CHD9: variants seen among roughly 807,000 people sequenced by gnomAD.
CHD9 encodes chromodomain helicase DNA binding protein 9.
A neutral mutation model predicts 316.1 loss-of-function variants in CHD9; 77 were observed. The ratio of observed to expected loss-of-function variants is 0.24; its 90% CI spans 0.20 to 0.29. The LOEUF (loss-of-function observed/expected upper bound fraction) is 0.29, where lower values mean the gene tolerates loss of function less well. CHD9 is among the 10% of genes least tolerant of loss of function. The probability of loss-of-function intolerance (pLI) is 1.00; values close to 1 mark genes in which losing one functional copy is unlikely to be tolerated. For missense variants in CHD9, 2,763 were observed against 3,438.1 expected, an observed-to-expected ratio of 0.80 and a Z score of 4.91; for synonymous variants, 1,129 against 1,158.3, an observed-to-expected ratio of 0.97 and a Z score of 0.51.
At position 53,254,552 on chromosome 16, in the gene CHD9, C is replaced by T. The variant is rs2050412458; in HGVS notation, c.3976C>T (p.Leu1326=). 6.2e-7 allele frequency: 1 copy of T among 1,612,730 alleles called. No individual in the cohort carries two copies. The highest frequency in any genetic ancestry group is 1.3e-5 in the African/African-American group (1 of 74,882). Residue 1326 remains leucine (L), a synonymous_variant, in exon 18 of 39, where the codon CTA becomes TTA. Transcript: ENST00000447540. ...MFDRASLKLG[L]DKAVLQSMSG... ...TGACCGAGCCAGTTTGAAACTGGGC[C>T]TAGATAAAGCTGTGTTACAGAGCAT...
chr16:53,264,046 A>G (rs76263275), intron 20 of CHD9, among the ~76,000 whole-genome samples: 2 of 152,020 alleles, frequency 1.3e-5, no homozygotes, highest in Non-Finnish European at 2.9e-5. Flanking sequence ...GAAAAAAAAA[A>G]GATATAGAAC....
chr16:53,158,462 G>T (rs1408836747), intron 2 of CHD9, among the ~76,000 whole-genome samples: 3 of 152,134 alleles, frequency 2.0e-5, no homozygotes, highest in African/African-American at 7.2e-5. Context: ...ACCTGGTTTA[G>T]AATTGTGGGT....
intron 3 of CHD9, among the ~76,000 whole-genome samples, chr16:53,218,065 T>C (rs928289991): frequency 6.6e-6 from 1 of 152,040 alleles, no homozygotes; most frequent in African/African-American, 2.4e-5. Flanking sequence ...GAATTGACTT[T>C]TTTCCTATCA....
At chr16:53,233,553 A>T (rs2048360289) in intron 10 of CHD9, among the ~76,000 whole-genome samples, 2 of 152,016 alleles carry the variant, frequency 1.3e-5, no homozygotes, top group South Asian at 4.2e-4. Context: ...GGCATGATTG[A>T]TTCAATCATC....
chr16:53,274,381 C>A lies in CHD9; in HGVS notation c.4967+79C>A, dbSNP rs1050865592. 8 of 743,378 alleles carry A rather than the reference C, an allele frequency of 1.1e-5. No individual in the cohort carries two copies. In the African/African-American group the frequency reaches 1.3e-4, roughly 12 times the overall value. 46.0% of individuals were successfully genotyped at this position (743,378 alleles called of 1,614,324 possible). A position where few individuals can be genotyped will look rare whatever the true frequency, so the allele number is the denominator to read the frequency against. On this transcript the variant is annotated intron_variant, in intron 24 of 38. Coordinates refer to ENST00000447540, the MANE Select transcript of CHD9 (RefSeq NM_001308319.2). ...CTTCAAGCTCCTGGGTTCAAGCGAT[C>A]CTCCCACCTCTGCCTCCTGAGAGGC... is the stretch of plus-strand genomic sequence containing the variant.
chr16:53,292,835 G>A lies in CHD9; in HGVS notation c.5293G>A (p.Gly1765Ser), dbSNP rs1226779372. 6.2e-7 allele frequency: 1 copy of A among 1,611,234 alleles called. No individual in the cohort carries two copies. Residue 1765 changes from glycine to serine, a missense_variant and splice_region_variant, in exon 29 of 39, where the codon GGT becomes AGT. Around this residue, in one of 15 missense-constraint regions of CHD9, gnomAD observed 183 missense variants for 258.5 expected, o/e 0.71. Coordinates refer to ENST00000447540, the MANE Select transcript of CHD9 (RefSeq NM_001308319.2). ...TACTATTACTTATTTAACTATAGAT[G>A]GTCAACTGATGGAGGGTGATAAAGT... ...PGDLVIADGD[G>S]QLMEGDKVYW...
chr16:53,077,082 G>T (rs1216909329), intron 1 of CHD9, among the ~76,000 whole-genome samples: 1 of 151,476 alleles, frequency 6.6e-6, no homozygotes, highest in Non-Finnish European at 1.5e-5. Context: ...CCGCCTCCTG[G>T]GTTCAAGCAA....
At chr16:53,177,884 T>C (rs2043193209) in intron 2 of CHD9, among the ~76,000 whole-genome samples, 1 of 152,214 alleles carries the variant, frequency 6.6e-6, no homozygotes, top group Non-Finnish European at 1.5e-5. Context: ...ATTCTACTTG[T>C]CTTTCCAATC....
At chr16:53,183,021 G>A (rs904806973) in intron 2 of CHD9, among the ~76,000 whole-genome samples, 21 of 152,084 alleles carry the variant, frequency 1.4e-4, no homozygotes, top group African/African-American at 3.9e-4. Context: ...AATCAACAAC[G>A]ATTCACCTTC....
intron 27 of CHD9, among the ~76,000 whole-genome samples, chr16:53,291,096 C>A (rs2054295346): frequency 6.6e-6 from 1 of 151,920 alleles, no homozygotes; most frequent in Non-Finnish European, 1.5e-5. Flanking sequence ...TGAAGATACA[C>A]CAAACAAAGA....
chr16:53,245,907 A>C lies in CHD9; in HGVS notation c.3454+57A>C. On this transcript the variant is annotated intron_variant, in intron 15 of 38. Transcript: ENST00000447540. This position sits in a 1 kb window ranked among gnomAD's most constrained non-coding sequence, Gnocchi z 4.1. ...TTTCTTGCAACAAATACTAATGAAT[A>C]AATAAACAGAACACACTACAGCTGT... 1 of 1,236,114 alleles carries C rather than the reference A, an allele frequency of 8.1e-7. No individual in the cohort carries two copies. 76.6% of individuals were successfully genotyped at this position (1,236,114 alleles called of 1,614,324 possible). A position where few individuals can be genotyped will look rare whatever the true frequency, so the allele number is the denominator to read the frequency against.
intron 3 of CHD9, among the ~76,000 whole-genome samples, chr16:53,215,577 G>A (rs2046688598): frequency 6.6e-6 from 1 of 152,160 alleles, no homozygotes; most frequent in South Asian, 2.1e-4. Context: ...CTTAAAAATA[G>A]GCTCAGTACC....
chr16:53,283,143 T>C (rs2053566891), intron 24 of CHD9, among the ~76,000 whole-genome samples: 1 of 152,176 alleles, frequency 6.6e-6, no homozygotes, highest in South Asian at 2.1e-4. Flanking sequence ...CAGCCAACAT[T>C]GACTCAGCCT....
chr16:53,246,135 G>C (rs1362874990), intron 15 of CHD9, among the ~76,000 whole-genome samples: 1 of 152,170 alleles, frequency 6.6e-6, no homozygotes, highest in Admixed American at 6.5e-5. Flanking sequence ...GCCCATTTTT[G>C]GGGCTTCTGC....
At position 53,231,105 on chromosome 16, in the gene CHD9, T is replaced by A. The variant is rs549236212; in HGVS notation, c.2287-314T>A. Among the ~76,000 whole-genome samples the A allele has an allele frequency of 3.9e-5, 6 of 152,312 alleles. No individual in the cohort carries two copies. The South Asian group carries it at 1.2e-3, about 32-fold the overall frequency. On this transcript the variant is annotated intron_variant, in intron 8 of 38. Transcript: ENST00000447540. ...CAACAGAAATGAGCATTCAATGGGA[T>A]GATGCATGGTCTTCAACTCTTGCAA...
At chr16:53,202,155 C>T (rs954813230) in intron 2 of CHD9, among the ~76,000 whole-genome samples, 4 of 152,082 alleles carry the variant, frequency 2.6e-5, no homozygotes, top group Admixed American at 6.5e-5. Context: ...AGCCACCATG[C>T]CTGCATTAGA....
At chr16:53,213,120 A>C (rs2046460687) in intron 3 of CHD9, among the ~76,000 whole-genome samples, 1 of 152,210 alleles carries the variant, frequency 6.6e-6, no homozygotes, top group African/African-American at 2.4e-5. Flanking sequence ...CTACTTGTTA[A>C]GGGGAATAAT....
chr16:53,321,769 G>C, intron 38 of CHD9, 139 bp downstream of exon 38: 3 of 516,974 alleles, frequency 5.8e-6, no homozygotes, highest in Non-Finnish European at 9.8e-6. Context: ...TTATTTTGCA[G>C]TACATGTTGC....
At chr16:53,171,851 CACACACACAG>C (rs1237221564) in intron 2 of CHD9, among the ~76,000 whole-genome samples, 28 of 73,486 alleles carry the variant, frequency 3.8e-4, no homozygotes, top group South Asian at 4.6e-4. Context: ...CACACACACA[CACACACACAG>C]ACACACACAC....
Sources: allele counts gnomAD v4.1 joint callset (sites outside exome capture counted in the v4.1 genomes callset), GRCh38; gene constraint gnomAD v4.1.1; regional missense constraint gnomAD v4.1.1; non-coding constraint Gnocchi (gnomAD v3.1); transcripts MANE v1.5; gene names NCBI Gene and HGNC (gene_info 2026-07-23, HGNC 2026-07-21).